The following BMP7 variants were observed in gnomAD, a reference collection of about 807,000 sequenced individuals.
BMP7 encodes the protein osteogenic protein 1.
BMP7 carries 12 observed loss-of-function variants against 41.2 expected under a neutral mutation model. The ratio of observed to expected loss-of-function variants is 0.29; its 90% CI spans 0.19 to 0.47. BMP7 has a LOEUF of 0.47. Ranked by LOEUF, BMP7 falls within the 20% of genes least tolerant of loss-of-function variation. The pLI, the probability that BMP7 is intolerant of heterozygous loss-of-function variation, is 0.99. For synonymous variants in BMP7, 248 were observed against 250.0 expected, an observed-to-expected ratio of 0.99 and a Z score of 0.07; for missense variants, 467 against 606.0, an observed-to-expected ratio of 0.77 and a Z score of 2.41.
At chr20:57,186,676 G>T (rs1170007756) in intron 3 of BMP7, among the ~76,000 whole-genome samples, 1 of 152,140 alleles carries the variant, frequency 6.6e-6, no homozygotes, top group Admixed American at 6.5e-5. Context: ...GGGGTCAGAG[G>T]CCAGCAAAAG....
intron 2 of BMP7, among the ~76,000 whole-genome samples, chr20:57,211,138 T>C (rs1202247135): frequency 6.6e-6 from 1 of 152,226 alleles, no homozygotes; most frequent in African/African-American, 2.4e-5. Context: ...ACTGGGCACC[T>C]ACTGCACACT....
rs143336098 is a variant in BMP7, at chr20:57,213,683, C to T, written c.612-11060G>A. On this transcript the variant is annotated intron_variant, in intron 2 of 6. Coordinates refer to ENST00000395863, the MANE Select transcript of BMP7 (RefSeq NM_001719.3). The surrounding 1 kb of genome is among the most constrained non-coding windows in gnomAD (Gnocchi z 4.4). ...AGAGACAATCAGGGGGTGAGAGGCC[C>T]GGAATCCTCTTTGTGATGAAATCCC... Among the ~76,000 whole-genome samples the T allele has an allele frequency of 5.3e-4, 81 of 152,270 alleles. No individual in the cohort carries two copies. Among genetic ancestry groups the T allele is most frequent in the African/African-American group, 1.9e-3 (77 of 41,562 alleles).
chr20:57,260,609 G>A (rs1361947441), intron 1 of BMP7, among the ~76,000 whole-genome samples: 2 of 152,184 alleles, frequency 1.3e-5, no homozygotes, highest in African/African-American at 4.8e-5. Context: ...AAAAGCAGAG[G>A]GTTGTGCAAT....
At chr20:57,253,747 AT>A (rs146337959) in intron 1 of BMP7, among the ~76,000 whole-genome samples, 4,808 of 152,228 alleles carry the variant, frequency 0.032, 224 homozygotes, top group African/African-American at 0.11. Flanking sequence ...TTTAAAAAAA[AT>A]AAATAAACTT....
chr20:57,194,054 C>T (rs923081406), intron 3 of BMP7, among the ~76,000 whole-genome samples: 6 of 152,252 alleles, frequency 3.9e-5, no homozygotes, highest in Non-Finnish European at 8.8e-5. Context: ...GCATCCCCTG[C>T]AGCTCCTGCT....
chr20:57,218,350 G>C (rs1157617973), intron 2 of BMP7, among the ~76,000 whole-genome samples: 1 of 152,208 alleles, frequency 6.6e-6, no homozygotes, highest in Admixed American at 6.5e-5. Flanking sequence ...CAACAGCTGG[G>C]TTTGAGCACC....
chr20:57,191,436 G>A (rs760222412), intron 3 of BMP7, among the ~76,000 whole-genome samples: 8 of 152,078 alleles, frequency 5.3e-5, no homozygotes, highest in Non-Finnish European at 1.2e-4. Flanking sequence ...GGTGGCTAAC[G>A]CCTATAATCC....
At chr20:57,185,379 G>A (rs973584851) in intron 3 of BMP7, among the ~76,000 whole-genome samples, 4 of 152,186 alleles carry the variant, frequency 2.6e-5, no homozygotes, top group African/African-American at 9.7e-5. Flanking sequence ...AACCAGGAAG[G>A]TGGCAGATTT....
At chr20:57,221,379 C>T (rs1985185875) in intron 2 of BMP7, among the ~76,000 whole-genome samples, 1 of 152,212 alleles carries the variant, frequency 6.6e-6, no homozygotes, top group Non-Finnish European at 1.5e-5. Context: ...TCCCAATTTA[C>T]AGGACTGGAC....
intron 2 of BMP7, among the ~76,000 whole-genome samples, chr20:57,219,494 C>T (rs987225803): frequency 6.6e-6 from 1 of 152,096 alleles, no homozygotes; most frequent in African/African-American, 2.4e-5. Flanking sequence ...TTTGGTTTCA[C>T]AACTGAGTGT....
At chr20:57,233,156 A>G (rs544978404) in intron 1 of BMP7, among the ~76,000 whole-genome samples, 110 of 152,318 alleles carry the variant, frequency 7.2e-4, no homozygotes, top group Non-Finnish European at 1.4e-3. Flanking sequence ...CTAAATGTCT[A>G]GAGTTGACAT....
chr20:57,209,865 G>A (rs1475633098), intron 2 of BMP7, among the ~76,000 whole-genome samples: 2 of 152,110 alleles, frequency 1.3e-5, no homozygotes, highest in Non-Finnish European at 1.5e-5. Context: ...CCCTATTTCT[G>A]GAAAAAGCTA....
Position 57,214,875 on chromosome 20 carries a change from C to T in BMP7, c.612-12252G>A, listed in dbSNP as rs1416426938. 1 of 152,234 alleles carries T rather than the reference C, an allele frequency of 6.6e-6. No individual in the cohort carries two copies. Among genetic ancestry groups the T allele is most frequent in the African/African-American group, 2.4e-5 (1 of 41,452 alleles). The allele number at this position is 152,234 out of a possible 1,614,324, so 9.4% of individuals were successfully genotyped here. On this transcript the variant is annotated intron_variant, in intron 2 of 6. Coordinates refer to ENST00000395863, the MANE Select transcript of BMP7 (RefSeq NM_001719.3). The surrounding 1 kb of genome is among the most constrained non-coding windows in gnomAD (Gnocchi z 4.0). ...CCTGGAGCGGCCTCTCCACCAGGCACACAGCTTAGCACAAAGCAGGCCTCA... is the reference window on the plus strand; with the variant it reads ...CCTGGAGCGGCCTCTCCACCAGGCATACAGCTTAGCACAAAGCAGGCCTCA...
At chr20:57,221,470 C>T (rs953429342) in intron 2 of BMP7, among the ~76,000 whole-genome samples, 2 of 152,178 alleles carry the variant, frequency 1.3e-5, no homozygotes, top group African/African-American at 4.8e-5. Context: ...GGAAGCTTCT[C>T]ATCCTTAATC....
intron 3 of BMP7, among the ~76,000 whole-genome samples, chr20:57,190,244 G>A (rs910582168): frequency 1.1e-4 from 17 of 151,088 alleles, no homozygotes; most frequent in Non-Finnish European, 2.5e-4. Flanking sequence ...GAGAGTGACC[G>A]AGGAACCAGA....
rs1239217156 is a variant in BMP7 at position 57,215,570 on chromosome 20, C to T, written c.611+12659G>A. ...GAGCTGGATTCCAGCTCACAGAACA[C>T]ACCAAGAACTCTGGTGAAACATCAA... On this transcript the variant is annotated intron_variant, in intron 2 of 6. Coordinates refer to ENST00000395863, the MANE Select transcript of BMP7 (RefSeq NM_001719.3). This position sits in a 1 kb window ranked among gnomAD's most constrained non-coding sequence, Gnocchi z 4.2. 1 of 152,232 alleles carries T rather than the reference C, an allele frequency of 6.6e-6. No individual in the cohort carries two copies. The highest frequency in any genetic ancestry group is 2.4e-5 in the African/African-American group (1 of 41,450). The allele number at this position is 152,232 out of a possible 1,614,324, so 9.4% of individuals were successfully genotyped here.
At chr20:57,211,388 G>A (rs1324845032) in intron 2 of BMP7, among the ~76,000 whole-genome samples, 3 of 152,188 alleles carry the variant, frequency 2.0e-5, no homozygotes, top group African/African-American at 7.2e-5. Context: ...AGAGGAGGCA[G>A]GGCAGGAGAG....
In BMP7 at chr20:57,265,983, C is replaced by T. The variant is rs1307094650; in HGVS notation, c.140G>A (p.Arg47His). 6 of 1,550,748 alleles carry T rather than the reference C, an allele frequency of 3.9e-6. No individual in the cohort carries two copies. The highest frequency in any genetic ancestry group is 2.4e-5 in the East Asian group (1 of 40,962). ...CTGCATCTCCCGCCGCTCCTGGCTG[C>T]GGAGGCGCCGGTGGATGAAGCTCGA... ...VHSSFIHRRL[R>H]SQERREMQRE... The change falls in exon 1 of 7, where the codon CGC becomes CAC. Residue 47 changes from arginine (R) to histidine (H), a missense_variant. By Grantham distance (29) the Arg-to-His change is conservative. Around this residue, in one of 2 missense-constraint regions of BMP7, gnomAD observed 407 missense variants for 485.9 expected, o/e 0.84. Transcript: ENST00000395863.
At chr20:57,193,779 T>A (rs1028426869) in intron 3 of BMP7, among the ~76,000 whole-genome samples, 1 of 152,202 alleles carries the variant, frequency 6.6e-6, no homozygotes, top group Non-Finnish European at 1.5e-5. Flanking sequence ...AAAGCAGAAA[T>A]TGAGTCCTTT....
Sources: allele counts gnomAD v4.1 joint callset (sites outside exome capture counted in the v4.1 genomes callset), GRCh38; gene constraint gnomAD v4.1.1; regional missense constraint gnomAD v4.1.1; non-coding constraint Gnocchi (gnomAD v3.1); transcripts MANE v1.5; gene names NCBI Gene and HGNC (gene_info 2026-07-23, HGNC 2026-07-21).